The following ABCD3 variants were observed in gnomAD, a reference collection of about 807,000 sequenced individuals.
ABCD3 encodes ATP binding cassette subfamily D member 3.
Under a neutral mutation model 105.5 loss-of-function variants are expected in ABCD3, and 41 were observed. That is an observed-to-expected ratio of 0.39 (90% CI 0.30 to 0.50). The LOEUF is 0.50. Ranked by LOEUF, ABCD3 falls within the 20% of genes least tolerant of loss-of-function variation. The pLI is 0.84. For missense variants in ABCD3, 622 were observed against 806.3 expected, an observed-to-expected ratio of 0.77 and a Z score of 2.77; for synonymous variants, 258 against 269.0, an observed-to-expected ratio of 0.96 and a Z score of 0.40.
intron 3 of ABCD3, 121 bp downstream of exon 3, chr1:94,464,994 G>A (rs1459798347): frequency 3.0e-5 from 25 of 823,060 alleles, no homozygotes; most frequent in Middle Eastern, 3.5e-4. Flanking sequence ...GGCTGTACAA[G>A]CATGGCACAG....
At chr1:94,484,324 A>G (rs897444544) in intron 10 of ABCD3, among the ~76,000 whole-genome samples, 2 of 152,230 alleles carry the variant, frequency 1.3e-5, no homozygotes, top group African/African-American at 4.8e-5. Context: ...GCTGCTATAA[A>G]GACACATGCA....
intron 1 of ABCD3, among the ~76,000 whole-genome samples, chr1:94,427,814 T>C (rs1283741772): frequency 3.9e-5 from 6 of 152,250 alleles, no homozygotes; most frequent in Admixed American, 3.9e-4. Context: ...GTAACTGTTG[T>C]TTAAAATGGC....
At position 94,478,433 on chromosome 1, in the gene ABCD3, A is replaced by C; in HGVS notation, c.684+118A>C. On this transcript the variant is annotated intron_variant, in intron 8 of 22. Coordinates refer to ENST00000370214, the MANE Select transcript of ABCD3 (RefSeq NM_002858.4). ...TAGATCTCAAAGAATGTATTTTCAC[A>C]TGATTTACCTAACAAAGTCTGGTTA... is the stretch of plus-strand genomic sequence containing the variant. 4 of 1,157,350 alleles carry C rather than the reference A, an allele frequency of 3.5e-6. No individual in the cohort carries two copies. The South Asian group carries it at 4.0e-5, about 11-fold the overall frequency. The allele number at this position is 1,157,350 out of a possible 1,614,324, so 71.7% of individuals were successfully genotyped here. A position where few individuals can be genotyped will look rare whatever the true frequency, so the allele number is the denominator to read the frequency against.
At chr1:94,422,954 C>G (rs1192232073) in intron 1 of ABCD3, among the ~76,000 whole-genome samples, 1 of 152,166 alleles carries the variant, frequency 6.6e-6, no homozygotes, top group East Asian at 1.9e-4. Flanking sequence ...GTTCGGATTT[C>G]TCATCTTGGA....
chr1:94,389,728 T>A, the ABCD3 span, among the ~76,000 whole-genome samples: 1 of 152,140 alleles, frequency 6.6e-6, no homozygotes, highest in East Asian at 1.9e-4. Flanking sequence ...TGCCCCTGGG[T>A]TAGGGTGTCC....
At chr1:94,474,358 A>AT (rs1439925068) in intron 5 of ABCD3, among the ~76,000 whole-genome samples, 4 of 152,120 alleles carry the variant, frequency 2.6e-5, no homozygotes, top group East Asian at 3.9e-4. Flanking sequence ...TATGGTCTGA[A>AT]TTTTTTACAG....
At chr1:94,517,007 A>G (rs1421118835) in intron 22 of ABCD3, 45 bp from the exon 23 acceptor site, 3 of 1,286,624 alleles carry the variant, frequency 2.3e-6, no homozygotes, top group African/African-American at 2.9e-5. Flanking sequence ...ACAGTACTAT[A>G]TTCACTCTTA....
chr1:94,480,954 T>C (rs953506483), intron 9 of ABCD3, among the ~76,000 whole-genome samples: 4 of 152,336 alleles, frequency 2.6e-5, no homozygotes, highest in Non-Finnish European at 2.9e-5. Flanking sequence ...TATTTTTATT[T>C]TGACTGTTCA....
the ABCD3 span, among the ~76,000 whole-genome samples, chr1:94,386,136 G>C: frequency 3.9e-5 from 6 of 152,056 alleles, no homozygotes; most frequent in Non-Finnish European, 7.3e-5. Context: ...AGCTGCCAAA[G>C]CCACATTTCC....
In ABCD3 at chr1:94,475,227, G is replaced by A. The variant is rs1648679977; in HGVS notation, c.490G>A (p.Glu164Lys). Residue 164 changes from glutamate (E) to lysine (K), a missense_variant, in exon 6 of 23, where the codon GAG becomes AAG. Physicochemically the swap from Glu to Lys is moderately conservative, Grantham distance 56. Transcript: ENST00000370214. ...FRVRLTKYLY[E>K]EYLQAFTYYK... ...AGTAAGGCTCACTAAATACCTCTAT[G>A]AGGAGTATCTTCAGTAAGTGATAAC... 2 of 1,586,348 alleles carry A rather than the reference G, an allele frequency of 1.3e-6. No individual in the cohort carries two copies. The highest frequency in any genetic ancestry group is 1.7e-5 in the Admixed American group (1 of 58,886).
At chr1:94,394,553 T>G in the ABCD3 span, among the ~76,000 whole-genome samples, 1 of 152,230 alleles carries the variant, frequency 6.6e-6, no homozygotes, top group East Asian at 1.9e-4. Flanking sequence ...ATGGACAAGT[T>G]AAATGGGAAA....
At chr1:94,449,724 T>G (rs1240621503) in intron 1 of ABCD3, among the ~76,000 whole-genome samples, 3 of 151,736 alleles carry the variant, frequency 2.0e-5, no homozygotes, top group African/African-American at 7.2e-5. Context: ...ATTGGTCCCC[T>G]AAGGGGATGT....
intron 16 of ABCD3, 59 bp downstream of exon 16, chr1:94,491,306 A>G: frequency 7.9e-7 from 1 of 1,258,098 alleles, no homozygotes; most frequent in Admixed American, 1.7e-5. Flanking sequence ...GAACTGAAAA[A>G]GATTACCTGA....
At chr1:94,388,090 G>A in the ABCD3 span, among the ~76,000 whole-genome samples, 2 of 152,000 alleles carry the variant, frequency 1.3e-5, no homozygotes, top group African/African-American at 4.8e-5. Flanking sequence ...TTTCAGACAT[G>A]GCTATACTTT....
At chr1:94,503,968 A>G (rs1650231863) in intron 20 of ABCD3, among the ~76,000 whole-genome samples, 1 of 140,004 alleles carries the variant, frequency 7.1e-6, no homozygotes. Flanking sequence ...GCTGGAGTAC[A>G]CTGGCACGAT....
intron 1 of ABCD3, among the ~76,000 whole-genome samples, chr1:94,433,995 A>G (rs1319120780): frequency 1.3e-5 from 2 of 152,154 alleles, no homozygotes; most frequent in African/African-American, 2.4e-5. Context: ...AATATGGCAT[A>G]AAAGATCAAA....
intron 4 of ABCD3, 23 bp downstream of exon 4, chr1:94,468,030 C>T: frequency 6.6e-7 from 1 of 1,511,568 alleles, no homozygotes; most frequent in Non-Finnish European, 9.2e-7. Flanking sequence ...TCACCTTCCT[C>T]CTATATGTAT....
the ABCD3 span, chr1:94,406,581 G>C: frequency 9.1e-6 from 3 of 328,038 alleles, no homozygotes; most frequent in Non-Finnish European, 1.8e-5. Context: ...TCAGCTCTTA[G>C]AGTATGTAAT....
At position 94,487,524 on chromosome 1, in the gene ABCD3, G is replaced by A; in HGVS notation, c.898-18G>A. On this transcript the variant is annotated intron_variant, in intron 10 of 22. Coordinates refer to ENST00000370214, the MANE Select transcript of ABCD3 (RefSeq NM_002858.4). ...TATACAGAGAAAAAGATGGTTTTTT[G>A]TTTTTGTTTTCTGCCAGGTGGAACA... is the stretch of plus-strand genomic sequence containing the variant. 1.2e-6 allele frequency: 2 copies of A among 1,611,026 alleles called. No individual in the cohort carries two copies. Among genetic ancestry groups the A allele is most frequent in the Non-Finnish European group, 8.5e-7 (1 of 1,178,572 alleles).
Sources: allele counts gnomAD v4.1 joint callset (sites outside exome capture counted in the v4.1 genomes callset), GRCh38; gene constraint gnomAD v4.1.1; transcripts MANE v1.5; gene names NCBI Gene and HGNC (gene_info 2026-07-23, HGNC 2026-07-21).